Variants in TDRD6 observed in about 807,000 individuals in gnomAD.
TDRD6 encodes the protein tudor domain containing 6, also known as tudor domain-containing protein 6.
A neutral mutation model predicts 157.5 loss-of-function variants in TDRD6; 186 were observed. The ratio of observed to expected loss-of-function variants is 1.18; its 90% CI spans 1.05 to 1.33. The LOEUF is 1.33. TDRD6 is among the 40% of genes most tolerant of loss of function. The pLI is 0.00. For synonymous variants in TDRD6, 1,075 were observed against 945.2 expected, an observed-to-expected ratio of 1.14 and a Z score of -2.52; for missense variants, 3,066 against 2,508.0, an observed-to-expected ratio of 1.22 and a Z score of -4.75.
Position 46,691,925 on chromosome 6 carries a change from C to T in TDRD6, c.3797C>T (p.Pro1266Leu). The change falls in exon 1 of 4, where the codon CCC (proline) becomes CTC (leucine). Residue 1266 changes from proline to leucine, a missense_variant. Coordinates refer to ENST00000316081, the MANE Select transcript of TDRD6 (RefSeq NM_001010870.3). ...EKKEEISAET[P>L]LKTARVEATL... ...AAAGAAGAAATTTCTGCTGAGACACCCTTGAAAACAGCAAGAGTAGAAGCT... is the reference window on the plus strand; with the variant it reads ...AAAGAAGAAATTTCTGCTGAGACACTCTTGAAAACAGCAAGAGTAGAAGCT... 2 of 1,603,334 alleles carry T rather than the reference C, an allele frequency of 1.2e-6. No individual in the cohort carries two copies. The highest frequency in any genetic ancestry group is 1.7e-6 in the Non-Finnish European group (2 of 1,177,426).
chr6:46,696,545 GTA>G (rs72157622), intron 2 of TDRD6, among the ~76,000 whole-genome samples: 19,015 of 55,424 alleles, frequency 0.34, 3,784 homozygotes, highest in African/African-American at 0.42. Context: ...GTATATATAT[GTA>G]TATATGTGTG....
rs750754010 is a variant in TDRD6, at chr6:46,689,348, C to T, written c.1220C>T (p.Ala407Val). Reference protein sequence around the residue: ...KTLILGKAVNAKIEFYCSFEH... With the variant: ...KTLILGKAVNVKIEFYCSFEH... ...CTGATACTAGGCAAGGCAGTGAATG[C>T]AAAGATTGAATTTTATTGCTCCTTT... is the stretch of plus-strand genomic sequence containing the variant. The change falls in exon 1 of 4, where the codon GCA becomes GTA. Residue 407 changes from alanine to valine, a missense_variant. Transcript: ENST00000316081. 6 of 1,614,074 alleles carry T rather than the reference C, an allele frequency of 3.7e-6. No individual in the cohort carries two copies. Among genetic ancestry groups the T allele is most frequent in the Non-Finnish European group, 5.1e-6 (6 of 1,180,008 alleles).
At chr6:46,694,701 T>A (rs1208347169) in intron 1 of TDRD6, among the ~76,000 whole-genome samples, 1 of 152,202 alleles carries the variant, frequency 6.6e-6, no homozygotes, top group African/African-American at 2.4e-5. Flanking sequence ...GTTTTGTGTT[T>A]AAAAGTTGAA....
upstream of TDRD6, among the ~76,000 whole-genome samples, chr6:46,686,072 C>T (rs1454333293): frequency 6.6e-6 from 1 of 152,056 alleles, no homozygotes; most frequent in African/African-American, 2.4e-5. Flanking sequence ...ATAACGGCCA[C>T]GTGATATACC....
At position 46,692,185 on chromosome 6, in the gene TDRD6, T is replaced by G. The variant is rs1463129036; in HGVS notation, c.4057T>G (p.Leu1353Val). Reference sequence around the variant, plus strand: ...GCCCGAATATTATGTAGGTCCACCTTTGCAAAGAGGAGATATGATATGTGC... The same window carrying G: ...GCCCGAATATTATGTAGGTCCACCTGTGCAAAGAGGAGATATGATATGTGC... Reference protein sequence around the residue: ...TRPEYYVGPPLQRGDMICAVF... With the variant: ...TRPEYYVGPPVQRGDMICAVF... Residue 1353 changes from leucine to valine, a missense_variant, in exon 1 of 4, where the codon TTG (leucine) becomes GTG (valine). By Grantham distance (32) the Leu-to-Val change is conservative. Coordinates refer to ENST00000316081, the MANE Select transcript of TDRD6 (RefSeq NM_001010870.3). The G allele has an allele frequency of 1.2e-6, 2 of 1,614,170 alleles. No individual in the cohort carries two copies. Among genetic ancestry groups the G allele is most frequent in the African/African-American group, 2.7e-5 (2 of 75,062 alleles).
chr6:46,695,228 T>C (rs1055443809), intron 1 of TDRD6, among the ~76,000 whole-genome samples: 2 of 152,110 alleles, frequency 1.3e-5, no homozygotes, highest in Non-Finnish European at 1.5e-5. Context: ...CTTTTTGTTG[T>C]CTTTTACTGT....
rs958964970 is a variant in TDRD6, at chr6:46,696,303, C to T, written c.6171+358C>T. ...TTCTATTTTGTTTGCTTCTTCTAGTCTTCCTTAAATTGATTGTCCATGGTG... is the reference window on the plus strand; with the variant it reads ...TTCTATTTTGTTTGCTTCTTCTAGTTTTCCTTAAATTGATTGTCCATGGTG... On this transcript the variant is annotated intron_variant, in intron 2 of 3. Transcript: ENST00000316081. 2.0e-5 allele frequency among the ~76,000 whole-genome samples: 3 copies of T among 151,510 alleles called. No individual in the cohort carries two copies. The East Asian group carries it at 5.8e-4, about 29-fold the overall frequency.
chr6:46,699,670 AAAAAG>A (rs145966653), intron 3 of TDRD6, among the ~76,000 whole-genome samples: 1,831 of 152,282 alleles, frequency 0.012, 38 homozygotes, highest in African/African-American at 0.041. Flanking sequence ...AGAAGTAAAA[AAAAAG>A]AAAAGAAAAG....
At position 46,690,010 on chromosome 6, in the gene TDRD6, G is replaced by C. The variant is rs1341054620; in HGVS notation, c.1882G>C (p.Glu628Gln). 1.2e-6 allele frequency: 2 copies of C among 1,613,680 alleles called. No homozygotes were observed. The highest frequency in any genetic ancestry group is 1.3e-5 in the African/African-American group (1 of 74,898). ...SFFKKTVLHK[E>Q]LVIHILDKQD... is the part of the protein sequence containing the mutation. ...TTTTAAAAAGACTGTGCTCCACAAA[G>C]AATTAGTCATCCATATTCTTGATAA... The change falls in exon 1 of 4, where the codon GAA (glutamate) becomes CAA (glutamine). Residue 628 changes from glutamate to glutamine, a missense_variant. By Grantham distance (29) the Glu-to-Gln change is conservative. Transcript: ENST00000316081.
chr6:46,681,741 G>A, the TDRD6 span, among the ~76,000 whole-genome samples: 1 of 152,158 alleles, frequency 6.6e-6, no homozygotes, highest in East Asian at 1.9e-4. Context: ...ATAGTTCTGA[G>A]TTAAGAAGGT....
chr6:46,687,433 G>A (rs796986407), upstream of TDRD6, among the ~76,000 whole-genome samples: 3 of 152,332 alleles, frequency 2.0e-5, no homozygotes, highest in African/African-American at 7.2e-5. Flanking sequence ...CAGGGTTAAA[G>A]AATAGAGGCT....
At chr6:46,700,798 G>A (rs375401537) in intron 3 of TDRD6, among the ~76,000 whole-genome samples, 2 of 152,066 alleles carry the variant, frequency 1.3e-5, no homozygotes, top group East Asian at 1.9e-4. Flanking sequence ...CCAGGGATAT[G>A]TTCTAGAGAA....
chr6:46,693,373 G>A lies in TDRD6; in HGVS notation c.5245G>A (p.Glu1749Lys). The change falls in exon 1 of 4, where the codon GAG becomes AAG. Residue 1749 changes from glutamate to lysine, a missense_variant. Physicochemically the swap from Glu to Lys is moderately conservative, Grantham distance 56. Coordinates refer to ENST00000316081, the MANE Select transcript of TDRD6 (RefSeq NM_001010870.3). ...NKIYMEQQTDELAEITEKDVN... is the reference protein window; with the variant it reads ...NKIYMEQQTDKLAEITEKDVN... ...AATATATATGGAACAACAGACAGAT[G>A]AGCTTGCTGAAATAACTGAAAAAGA... The A allele has an allele frequency of 1.2e-6, 2 of 1,612,200 alleles. No homozygotes were observed. Among genetic ancestry groups the A allele is most frequent in the Non-Finnish European group, 1.7e-6 (2 of 1,179,572 alleles).
chr6:46,688,662 C>T lies in TDRD6; in HGVS notation c.534C>T (p.Arg178=), dbSNP rs1452249114. The T allele has an allele frequency of 2.5e-6, 4 of 1,599,630 alleles. No homozygotes were observed. Among genetic ancestry groups the T allele is most frequent in the Non-Finnish European group, 8.5e-7 (1 of 1,179,900 alleles). The change falls in exon 1 of 4, where the codon CGC becomes CGT. Residue 178 remains arginine (R), a synonymous_variant. Transcript: ENST00000316081. ...TCCTGGACGTGCTGCTGCTCCATCGCCTGGTCCTCCTGGAGGTGCCTGATG... is the reference window on the plus strand; with the variant it reads ...TCCTGGACGTGCTGCTGCTCCATCGTCTGGTCCTCCTGGAGGTGCCTGATG... The part of the protein sequence containing the change: ...GCVLDVLLLH[R]LVLLEVPDVF...
rs1318793884 is a variant in TDRD6, at chr6:46,693,280, CA to C, written c.5153del (p.Gln1718ArgfsTer10). The C allele has an allele frequency of 6.2e-7, 1 of 1,613,404 alleles. No homozygotes were observed. ...PYENIDSEIK[Q>X]TLGSYNLDVG... Reference sequence around the variant, plus strand: ...TGAAAATATTGACTCAGAGATAAAGCAGACTCTTGGGTCCTACAATCTTGAT... The same window carrying C: ...TGAAAATATTGACTCAGAGATAAAGCGACTCTTGGGTCCTACAATCTTGAT... On this transcript the variant is annotated frameshift_variant, in exon 1 of 4. Transcript: ENST00000316081. LOFTEE classifies it high-confidence loss of function.
intron 2 of TDRD6, among the ~76,000 whole-genome samples, chr6:46,696,603 T>TA: frequency 4.2e-4 from 8 of 19,138 alleles, no homozygotes; most frequent in East Asian, 2.3e-3. Flanking sequence ...ATATATATAT[T>TA]TTTTTTTTTT....
In TDRD6 at chr6:46,688,979, C is replaced by T. The variant is rs1764212634; in HGVS notation, c.851C>T (p.Ala284Val). 1.2e-6 allele frequency: 2 copies of T among 1,613,638 alleles called. No homozygotes were observed. The highest frequency in any genetic ancestry group is 1.7e-5 in the Admixed American group (1 of 60,000). Reference protein sequence around the residue: ...QEIHRLSESMAQVYRGSTGTG... With the variant: ...QEIHRLSESMVQVYRGSTGTG... ...ATCCACCGCCTCTCCGAGAGCATGG[C>T]CCAGGTATACCGGGGTTCCACGGGG... Residue 284 changes from alanine to valine, a missense_variant, in exon 1 of 4, where the codon GCC becomes GTC. Ala to Val is a moderately conservative substitution (Grantham distance 64). Transcript: ENST00000316081.
rs745428042 is a variant in TDRD6, at chr6:46,689,354, T to C, written c.1226T>C (p.Ile409Thr). The change falls in exon 1 of 4, where the codon ATT becomes ACT. Residue 409 changes from isoleucine to threonine, a missense_variant. Transcript: ENST00000316081. The stretch of plus-strand genomic sequence containing the variant: ...CTAGGCAAGGCAGTGAATGCAAAGA[T>C]TGAATTTTATTGCTCCTTTGAGCAT... ...LILGKAVNAK[I>T]EFYCSFEHVY... 4.3e-6 allele frequency: 7 copies of C among 1,614,088 alleles called. No individual in the cohort carries two copies. Among genetic ancestry groups the C allele is most frequent in the South Asian group, 1.1e-5 (1 of 91,078 alleles).
rs780689839 is a variant in TDRD6 at position 46,692,554 on chromosome 6, A to G, written c.4426A>G (p.Arg1476Gly). 2 of 1,613,900 alleles carry G rather than the reference A, an allele frequency of 1.2e-6. No homozygotes were observed. Among genetic ancestry groups the G allele is most frequent in the African/African-American group, 2.7e-5 (2 of 75,062 alleles). ...GATCATAGCAGATGATATGATTAGC[A>G]GGTATGCTCTCAGTGAAAAATCTCA... Reference protein sequence around the residue: ...HGIIADDMISRYALSEKSQVE... With the variant: ...HGIIADDMISGYALSEKSQVE... The change falls in exon 1 of 4, where the codon AGG (arginine) becomes GGG (glycine). Residue 1476 changes from arginine (R) to glycine (G), a missense_variant. Physicochemically the swap from Arg to Gly is moderately radical, Grantham distance 125. Coordinates refer to ENST00000316081, the MANE Select transcript of TDRD6 (RefSeq NM_001010870.3).
Sources: gnomAD v4.1 joint callset for allele counts (sites outside exome capture counted in the v4.1 genomes callset) on GRCh38, gnomAD v4.1.1 for gene constraint, MANE v1.5 for transcripts, NCBI Gene and HGNC (gene_info 2026-07-23, HGNC 2026-07-21) for gene names.